TMEM53: variants seen among roughly 807,000 people sequenced by gnomAD.
The protein encoded by TMEM53 is novel DUF829 domain-containing protein.
In TMEM53, 14 loss-of-function variants were observed where a neutral mutation model predicts 21.4. The ratio of observed to expected loss-of-function variants is 0.65; its 90% CI spans 0.43 to 1.02. The LOEUF (loss-of-function observed/expected upper bound fraction) is 1.02. Among genes scored for constraint, TMEM53 ranks in the 50% least tolerant of loss-of-function variants. The probability of loss-of-function intolerance (pLI) is 0.00; values close to 1 mark genes in which losing one functional copy is unlikely to be tolerated. For missense variants in TMEM53, 323 were observed against 383.6 expected, an observed-to-expected ratio of 0.84 and a Z score of 1.32; for synonymous variants, 148 against 157.4, an observed-to-expected ratio of 0.94 and a Z score of 0.45.
At chr1:44,670,776 TG>T (rs1310487374) in intron 1 of TMEM53, among the ~76,000 whole-genome samples, 3 of 152,204 alleles carry the variant, frequency 2.0e-5, no homozygotes, top group Non-Finnish European at 2.9e-5. Context: ...AAGAGCAAAA[TG>T]TTTGTCCCAT....
At chr1:44,658,695 G>A (rs1443469822) in intron 2 of TMEM53, among the ~76,000 whole-genome samples, 1 of 152,124 alleles carries the variant, frequency 6.6e-6, no homozygotes, top group Non-Finnish European at 1.5e-5. Flanking sequence ...GGGACTACAG[G>A]TGTGCGCCAC....
chr1:44,672,774 A>G (rs940554979), intron 1 of TMEM53, among the ~76,000 whole-genome samples: 1 of 151,598 alleles, frequency 6.6e-6, no homozygotes, highest in Non-Finnish European at 1.5e-5. Context: ...ATCTCTTAAA[A>G]AAAAAAAAAG....
rs757541275 is a variant in TMEM53 at position 44,660,226 on chromosome 1, C to A, written c.131G>T (p.Gly44Val). 8.7e-6 allele frequency: 14 copies of A among 1,613,970 alleles called. No homozygotes were observed. The East Asian group carries it at 3.1e-4, about 36-fold the overall frequency. The change falls in exon 2 of 3, where the codon GGT (glycine) becomes GTT (valine). Residue 44 changes from glycine (G) to valine (V), a missense_variant. Transcript: ENST00000372237. Reference protein sequence around the residue: ...RQPVVILLGWGGCKDKNLAKY... With the variant: ...RQPVVILLGWVGCKDKNLAKY... ...GGCAAGGTTCTTGTCCTTGCAGCCA[C>A]CCCAGCCCAAGAGAATCACCACAGG...
chr1:44,660,327 A>G, intron 1 of TMEM53, 32 bp from the exon 2 acceptor site: 4 of 1,580,342 alleles, frequency 2.5e-6, no homozygotes, highest in South Asian at 1.1e-5. Context: ...TCAACACCAG[A>G]GCTGGGGTGG....
rs1644838839 is a variant in TMEM53, at chr1:44,655,205, C to G, written c.188G>C (p.Cys63Ser). 1 of 1,601,030 alleles carries G rather than the reference C, an allele frequency of 6.2e-7. No homozygotes were observed. The highest frequency in any genetic ancestry group is 1.3e-5 in the African/African-American group (1 of 74,810). The change falls in exon 3 of 3, where the codon TGC becomes TCC. Residue 63 changes from cysteine (C) to serine (S), a missense_variant. Cys to Ser is a moderately radical substitution (Grantham distance 112). Around this residue, in one of 3 missense-constraint regions of TMEM53, gnomAD observed 269 missense variants for 334.5 expected, o/e 0.80. Transcript: ENST00000372237. The surrounding 1 kb of genome is among the most constrained non-coding windows in gnomAD (Gnocchi z 4.4). Reference protein sequence around the residue: ...KYSAIYHKRGCIVIRYTAPWH... With the variant: ...KYSAIYHKRGSIVIRYTAPWH... The stretch of plus-strand genomic sequence containing the variant: ...CGGGGCTGTGTATCGGATTACGATG[C>G]AGCCCTGGGGAGAGAGGCCTGGTCA...
chr1:44,654,853 C>G lies in TMEM53; in HGVS notation c.540G>C (p.Val180=). 1 of 1,612,970 alleles carries G rather than the reference C, an allele frequency of 6.2e-7. No homozygotes were observed. Among genetic ancestry groups the G allele is most frequent in the Non-Finnish European group, 8.5e-7 (1 of 1,179,978 alleles). Residue 180 remains valine, a synonymous_variant, in exon 3 of 3, where the codon GTG becomes GTC. Transcript: ENST00000372237. The surrounding 1 kb of genome is among the most constrained non-coding windows in gnomAD (Gnocchi z 7.0). ...CAAGCAGGACGTGGAACAGGACGAC[C>G]ACCAGGGCAAAGGCCACCAGCAGCA... ...RLLLLVAFAL[V]VVLFHVLLAP...
chr1:44,671,837 G>A (rs554939136), intron 1 of TMEM53, among the ~76,000 whole-genome samples: 1 of 152,310 alleles, frequency 6.6e-6, no homozygotes, highest in South Asian at 2.1e-4. Context: ...GCTGAAACAG[G>A]AGAATTGCTT....
chr1:44,656,446 C>T (rs1194137524), intron 2 of TMEM53, among the ~76,000 whole-genome samples: 10 of 152,136 alleles, frequency 6.6e-5, no homozygotes, highest in Admixed American at 6.5e-4. Context: ...AGGTACCTTG[C>T]CATCAGCCGC....
Position 44,654,961 on chromosome 1 carries a change from G to A in TMEM53, c.432C>T (p.Ser144=), listed in dbSNP as rs548025286. The part of the protein sequence containing the change: ...RLRVVGTIFD[S]APGDSNLVGA... ...CTACCAGGTTGCTGTCACCAGGAGC[G>A]CTGTCAAAGATGGTGCCCACCACAC... Residue 144 remains serine (S), a synonymous_variant, in exon 3 of 3, where the codon AGC becomes AGT. Transcript: ENST00000372237. The surrounding 1 kb of genome is among the most constrained non-coding windows in gnomAD (Gnocchi z 7.0). 9.2e-5 allele frequency: 149 copies of A among 1,613,778 alleles called. No homozygotes were observed. In the South Asian group the frequency reaches 9.3e-4, roughly 10 times the overall value.
rs1644912204 is a variant in TMEM53 at position 44,662,657 on chromosome 1, G to C, written c.62-2362C>G. On this transcript the variant is annotated intron_variant, in intron 1 of 2. Transcript: ENST00000372237. Reference sequence around the variant, plus strand: ...GGGAGGCTCCCTTACCTCTGCAGCTGTCTGAGAACAGGCTCCCCCTCCCCT... The same window carrying C: ...GGGAGGCTCCCTTACCTCTGCAGCTCTCTGAGAACAGGCTCCCCCTCCCCT... Among the ~76,000 whole-genome samples the C allele has an allele frequency of 2.6e-5, 4 of 152,078 alleles. No individual in the cohort carries two copies. The South Asian group carries it at 8.3e-4, about 32-fold the overall frequency.
intron 2 of TMEM53, among the ~76,000 whole-genome samples, chr1:44,659,855 C>CTTTTTTTTT (rs35618807): frequency 2.8e-5 from 3 of 106,942 alleles, no homozygotes; most frequent in Admixed American, 2.1e-4. Context: ...TCCTCACAGG[C>CTTTTTTTTT]TTTTTTTTTT....
In TMEM53 at chr1:44,654,868, C is replaced by T; in HGVS notation, c.525G>A (p.Val175=). ...ACAGGACGACCACCAGGGCAAAGGC[C>T]ACCAGCAGCAACAGGCGCAGCATGG... ...RAAMLRLLLL[V]AFALVVVLFH... is the part of the protein sequence containing the mutation. The change falls in exon 3 of 3, where the codon GTG becomes GTA. Residue 175 remains valine (V), a synonymous_variant. Coordinates refer to ENST00000372237, the MANE Select transcript of TMEM53 (RefSeq NM_024587.4). The surrounding 1 kb of genome is among the most constrained non-coding windows in gnomAD (Gnocchi z 7.0). 1 of 1,612,722 alleles carries T rather than the reference C, an allele frequency of 6.2e-7. No homozygotes were observed. Among genetic ancestry groups the T allele is most frequent in the South Asian group, 1.1e-5 (1 of 91,082 alleles).
rs1421169312 is a variant in TMEM53 at position 44,653,880 on chromosome 1, TATGCAAG to T, written c.*672_*678del. On this transcript the variant is annotated 3_prime_UTR_variant, in exon 3 of 3. Transcript: ENST00000372237. Reference sequence around the variant, plus strand: ...TATGCAAGATGATGAAGTTCTGAATTATGCAAGATGCAAGACTATTCAGTTCTAGAGG... The same window carrying T: ...TATGCAAGATGATGAAGTTCTGAATTATGCAAGACTATTCAGTTCTAGAGG... The T allele has an allele frequency of 6.6e-6, 1 of 152,226 alleles. No individual in the cohort carries two copies. The highest frequency in any genetic ancestry group is 2.4e-5 in the African/African-American group (1 of 41,460). 9.4% of individuals were successfully genotyped at this position (152,226 alleles called of 1,614,324 possible).
At position 44,654,880 on chromosome 1, in the gene TMEM53, C is replaced by T. The variant is rs1451235316; in HGVS notation, c.513G>A (p.Leu171=). The T allele has an allele frequency of 1.2e-6, 2 of 1,612,718 alleles. No homozygotes were observed. Among genetic ancestry groups the T allele is most frequent in the Non-Finnish European group, 1.7e-6 (2 of 1,179,762 alleles). Residue 171 remains leucine, a synonymous_variant, in exon 3 of 3, where the codon CTG becomes CTA. Transcript: ENST00000372237. The surrounding 1 kb of genome is among the most constrained non-coding windows in gnomAD (Gnocchi z 7.0). ...ILERRAAMLR[L]LLLVAFALVV... is the part of the protein sequence containing the mutation. ...CCAGGGCAAAGGCCACCAGCAGCAA[C>T]AGGCGCAGCATGGCGGCCCGGCGCT...
rs1557503020 is a variant in TMEM53, at chr1:44,674,446, C to T, written c.-55G>A. 3 of 1,567,200 alleles carry T rather than the reference C, an allele frequency of 1.9e-6. No individual in the cohort carries two copies. Among genetic ancestry groups the T allele is most frequent in the Non-Finnish European group, 2.6e-6 (3 of 1,155,022 alleles). On this transcript the variant is annotated 5_prime_UTR_variant, in exon 1 of 3. In the 5' UTR this introduces an upstream ATG that the reference lacks. Transcript: ENST00000372237. ...TCCAGCCGGAACTCCCGCTTGCGCA[C>T]CCGTGCCTCACCCGGGCGCCTCCTG...
chr1:44,664,775 G>C (rs1046236605), intron 1 of TMEM53, among the ~76,000 whole-genome samples: 1 of 152,062 alleles, frequency 6.6e-6, no homozygotes, highest in South Asian at 2.1e-4. Flanking sequence ...GCCTCATTTG[G>C]TCTTGCAACC....
intron 1 of TMEM53, among the ~76,000 whole-genome samples, chr1:44,668,125 T>C (rs922326999): frequency 6.6e-6 from 1 of 152,100 alleles, no homozygotes; most frequent in Non-Finnish European, 1.5e-5. Flanking sequence ...AGAATGAAAA[T>C]AGAAACCATG....
At chr1:44,674,256 G>T in intron 1 of TMEM53, 75 bp downstream of exon 1, 1 of 1,530,608 alleles carries the variant, frequency 6.5e-7, no homozygotes, top group Non-Finnish European at 8.8e-7. Flanking sequence ...TGAGGGGCGG[G>T]GCTACAGCTG....
chr1:44,660,650 T>C (rs905094684), intron 1 of TMEM53, among the ~76,000 whole-genome samples: 2 of 152,114 alleles, frequency 1.3e-5, no homozygotes, highest in African/African-American at 4.8e-5. Context: ...TATTTTTGTA[T>C]GGCCTGCGAG....
Sources: gnomAD v4.1 joint callset for allele counts (sites outside exome capture counted in the v4.1 genomes callset) on GRCh38, gnomAD v4.1.1 for gene constraint, gnomAD v4.1.1 regional missense constraint, Gnocchi (gnomAD v3.1) non-coding constraint, MANE v1.5 for transcripts, NCBI Gene and HGNC (gene_info 2026-07-23, HGNC 2026-07-21) for gene names.